ARHGAP10: variants seen among roughly 807,000 people sequenced by gnomAD.
ARHGAP10 encodes the protein rho GTPase-activating protein 10.
Under a neutral mutation model 108.6 loss-of-function variants are expected in ARHGAP10, and 87 were observed. The ratio of observed to expected loss-of-function variants is 0.80; its 90% CI spans 0.67 to 0.96. The LOEUF is 0.96. Among genes scored for constraint, ARHGAP10 ranks in the 40% least tolerant of loss-of-function variants. The pLI, the probability that ARHGAP10 is intolerant of heterozygous loss-of-function variation, is 0.00. For synonymous variants in ARHGAP10, 347 were observed against 341.1 expected, an observed-to-expected ratio of 1.02 and a Z score of -0.19; for missense variants, 939 against 954.5, an observed-to-expected ratio of 0.98 and a Z score of 0.21.
chr4:148,035,533 G>A (rs904286333), intron 19 of ARHGAP10, among the ~76,000 whole-genome samples: 2 of 152,190 alleles, frequency 1.3e-5, no homozygotes, highest in East Asian at 1.9e-4. Context: ...TCATTCATCT[G>A]TACATTATTT....
At chr4:147,900,182 A>T (rs1016203754) in intron 10 of ARHGAP10, among the ~76,000 whole-genome samples, 1 of 152,236 alleles carries the variant, frequency 6.6e-6, no homozygotes, top group African/African-American at 2.4e-5. Flanking sequence ...TGAAATGTAG[A>T]ATACAGATAA....
At chr4:147,837,294 AAGAAT>A (rs1187781731) in intron 3 of ARHGAP10, among the ~76,000 whole-genome samples, 1 of 152,208 alleles carries the variant, frequency 6.6e-6, no homozygotes, top group Admixed American at 6.5e-5. Flanking sequence ...GTATAGAGAA[AAGAAT>A]ACGAAAGCAT....
chr4:147,736,534 T>C (rs905385746), intron 1 of ARHGAP10, among the ~76,000 whole-genome samples: 8 of 152,150 alleles, frequency 5.3e-5, no homozygotes, highest in African/African-American at 1.7e-4. Context: ...AATAAAATGG[T>C]GTGAAAGTGT....
At chr4:147,849,221 C>T (rs1039894228) in intron 4 of ARHGAP10, among the ~76,000 whole-genome samples, 3 of 148,386 alleles carry the variant, frequency 2.0e-5, no homozygotes, top group Non-Finnish European at 4.4e-5. Flanking sequence ...GTTGTTAAAT[C>T]TTTAAAAGAC....
chr4:147,789,352 C>T (rs911325858), intron 1 of ARHGAP10, among the ~76,000 whole-genome samples: 14 of 152,290 alleles, frequency 9.2e-5, no homozygotes, highest in East Asian at 1.9e-4. Flanking sequence ...TGCAGTGGCA[C>T]GATCTCAGCT....
At chr4:147,916,622 A>G (rs1294278300) in intron 13 of ARHGAP10, 1 of 152,210 alleles carries the variant, frequency 6.6e-6, no homozygotes, top group Non-Finnish European at 1.5e-5. Context: ...CATTAATTGC[A>G]TTCACAGGAG....
At chr4:148,031,076 A>T (rs1242847249) in intron 19 of ARHGAP10, among the ~76,000 whole-genome samples, 1 of 152,132 alleles carries the variant, frequency 6.6e-6, no homozygotes, top group Non-Finnish European at 1.5e-5. Context: ...AACAACAAAA[A>T]AATGAATTTT....
At chr4:148,008,711 C>T (rs1315475698) in intron 18 of ARHGAP10, among the ~76,000 whole-genome samples, 1 of 152,058 alleles carries the variant, frequency 6.6e-6, no homozygotes, top group Non-Finnish European at 1.5e-5. Context: ...ACTGAATTCT[C>T]AAAGTGTGAA....
intron 14 of ARHGAP10, 37 bp from the exon 15 acceptor site, chr4:147,946,580 G>T: frequency 6.3e-7 from 1 of 1,583,448 alleles, no homozygotes; most frequent in Admixed American, 1.7e-5. Context: ...GATGATCAAG[G>T]TTTTAATTAT....
At chr4:147,974,298 C>A (rs1261370960) in intron 18 of ARHGAP10, among the ~76,000 whole-genome samples, 1 of 152,036 alleles carries the variant, frequency 6.6e-6, no homozygotes, top group Non-Finnish European at 1.5e-5. Flanking sequence ...TGAACATTTT[C>A]ATATACCTCA....
chr4:148,046,754 C>CT, intron 19 of ARHGAP10, 138 bp from the exon 20 acceptor site: 1 of 741,122 alleles, frequency 1.3e-6, no homozygotes, highest in Non-Finnish European at 2.1e-6. Flanking sequence ...AAAGACAGGA[C>CT]ACCCAGATAC....
intron 1 of ARHGAP10, among the ~76,000 whole-genome samples, chr4:147,762,623 G>A (rs1297530812): frequency 6.6e-6 from 1 of 151,206 alleles, no homozygotes; most frequent in African/African-American, 2.4e-5. Context: ...TCTGCCTCCC[G>A]GGTTCACGCC....
chr4:147,755,463 C>T (rs967356995), intron 1 of ARHGAP10, among the ~76,000 whole-genome samples: 3 of 151,858 alleles, frequency 2.0e-5, no homozygotes, highest in African/African-American at 4.8e-5. Flanking sequence ...GCGGAGGTTG[C>T]GGTGAGCCGA....
chr4:147,936,317 C>CTTTTTTTTTTT (rs765432394), intron 13 of ARHGAP10, among the ~76,000 whole-genome samples: 2 of 97,852 alleles, frequency 2.0e-5, no homozygotes, highest in Admixed American at 1.4e-4. Flanking sequence ...CTTTTCCTCT[C>CTTTTTTTTTTT]TTTTTTTTTT....
At chr4:147,839,698 G>C (rs557415996) in intron 3 of ARHGAP10, among the ~76,000 whole-genome samples, 1 of 152,182 alleles carries the variant, frequency 6.6e-6, no homozygotes, top group African/African-American at 2.4e-5. Context: ...AAAGTTGTTG[G>C]AGTGGTTCCT....
intron 3 of ARHGAP10, 26 bp from the exon 4 acceptor site, chr4:147,847,125 C>A: frequency 6.3e-7 from 1 of 1,591,094 alleles, no homozygotes; most frequent in South Asian, 1.1e-5. Flanking sequence ...ATGCTGTGCT[C>A]TTTTGTTATC....
intron 10 of ARHGAP10, among the ~76,000 whole-genome samples, chr4:147,886,449 A>G (rs949695508): frequency 2.6e-5 from 4 of 152,190 alleles, no homozygotes; most frequent in Middle Eastern, 6.8e-3. Flanking sequence ...TTCTCTTTCT[A>G]CCACCTTCTT....
intron 1 of ARHGAP10, among the ~76,000 whole-genome samples, chr4:147,804,802 C>T (rs934143943): frequency 6.6e-6 from 1 of 151,884 alleles, no homozygotes; most frequent in Non-Finnish European, 1.5e-5. Context: ...AAGTTCTTGT[C>T]CTTTGCCCAC....
At chr4:147,738,342 G>A (rs180675896) in intron 1 of ARHGAP10, among the ~76,000 whole-genome samples, 328 of 152,016 alleles carry the variant, frequency 2.2e-3, no homozygotes, top group Non-Finnish European at 1.3e-3. Flanking sequence ...ACGAGGTCAG[G>A]AGATCGAGAC....
Sources: gnomAD v4.1 joint callset for allele counts (sites outside exome capture counted in the v4.1 genomes callset) on GRCh38, gnomAD v4.1.1 for gene constraint, MANE v1.5 for transcripts, NCBI Gene and HGNC (gene_info 2026-07-23, HGNC 2026-07-21) for gene names.